The following GRIN2A variants were observed in gnomAD, a reference collection of about 807,000 sequenced individuals.
The protein encoded by GRIN2A is glutamate receptor ionotropic, NMDA 2A.
GRIN2A carries 22 observed loss-of-function variants against 113.4 expected under a neutral mutation model. The observed-to-expected ratio is 0.19, with a 90% confidence interval of 0.14 to 0.28. The LOEUF (loss-of-function observed/expected upper bound fraction) is 0.28. Ranked by LOEUF, GRIN2A falls within the 10% of genes least tolerant of loss-of-function variation. GRIN2A has a pLI of 1.00. For synonymous variants in GRIN2A, 827 were observed against 738.4 expected, an observed-to-expected ratio of 1.12 and a Z score of -1.94; for missense variants, 1,502 against 1,887.0, an observed-to-expected ratio of 0.80 and a Z score of 3.78.
At chr16:9,922,143 A>G (rs2044369343) in intron 3 of GRIN2A, among the ~76,000 whole-genome samples, 1 of 152,178 alleles carries the variant, frequency 6.6e-6, no homozygotes, top group African/African-American at 2.4e-5. Context: ...TACCACTTAC[A>G]TCCTAGGGAG....
At chr16:9,831,501 T>C (rs1331011484) in intron 8 of GRIN2A, among the ~76,000 whole-genome samples, 1 of 149,512 alleles carries the variant, frequency 6.7e-6, no homozygotes, top group South Asian at 2.1e-4. Context: ...CCATTGTTTT[T>C]TTTTTTTCTT....
At chr16:9,900,145 T>A (rs2043891879) in intron 3 of GRIN2A, among the ~76,000 whole-genome samples, 2 of 152,224 alleles carry the variant, frequency 1.3e-5, no homozygotes, top group South Asian at 4.1e-4. Context: ...TATATAATTG[T>A]CTTTCTTCCT....
At chr16:9,809,750 A>G (rs954536997) in intron 10 of GRIN2A, among the ~76,000 whole-genome samples, 1 of 152,102 alleles carries the variant, frequency 6.6e-6, no homozygotes, top group African/African-American at 2.4e-5. Flanking sequence ...AGATTAAACT[A>G]AGAGTTACAG....
At chr16:10,024,262 C>T (rs2046779357) in intron 2 of GRIN2A, among the ~76,000 whole-genome samples, 1 of 152,236 alleles carries the variant, frequency 6.6e-6, no homozygotes, top group Admixed American at 6.5e-5. Context: ...CTCGCTCTGT[C>T]ACCCAGGCTG....
At chr16:9,768,137 T>G (rs1469523893) in intron 12 of GRIN2A, among the ~76,000 whole-genome samples, 1 of 152,216 alleles carries the variant, frequency 6.6e-6, no homozygotes, top group Non-Finnish European at 1.5e-5. Flanking sequence ...CTTGGCTCAC[T>G]GCAAGCTCCG....
Position 9,971,429 on chromosome 16 carries a change from G to GC in GRIN2A, c.415-32879dup, listed in dbSNP as rs537414740. 3.0e-4 allele frequency among the ~76,000 whole-genome samples: 46 copies of GC among 152,298 alleles called. 1 individual carries two copies. In the South Asian group the frequency reaches 8.7e-3, roughly 29 times the overall value. On this transcript the variant is annotated intron_variant, in intron 2 of 12. Coordinates refer to ENST00000330684, the MANE Select transcript of GRIN2A (RefSeq NM_001134407.3). ...GTCATGAGCCATCTCATACATTTCA[G>GC]CCCAACTGTGCTCTCAGGGAACTGT...
rs75121077 is a variant in GRIN2A at position 10,107,711 on chromosome 16, C to A, written c.414+72287G>T. 7.0e-4 allele frequency among the ~76,000 whole-genome samples: 106 copies of A among 152,356 alleles called. No individual in the cohort carries two copies. In the East Asian group the frequency reaches 0.018, roughly 25 times the overall value. Reference sequence around the variant, plus strand: ...ATTCCTGAAAGGGAAAGGAGCAGCTCACCTGAGACAAGCAAGGGCCAGATT... The same window carrying A: ...ATTCCTGAAAGGGAAAGGAGCAGCTAACCTGAGACAAGCAAGGGCCAGATT... On this transcript the variant is annotated intron_variant, in intron 2 of 12. Transcript: ENST00000330684.
chr16:9,938,844 G>A (rs553352283), intron 2 of GRIN2A, among the ~76,000 whole-genome samples: 2 of 152,074 alleles, frequency 1.3e-5, no homozygotes, highest in Admixed American at 1.3e-4. Flanking sequence ...CCTCCTTTGA[G>A]TCTATATGGT....
At chr16:9,791,557 T>C (rs1902606432) in intron 11 of GRIN2A, among the ~76,000 whole-genome samples, 1 of 152,170 alleles carries the variant, frequency 6.6e-6, no homozygotes, top group Non-Finnish European at 1.5e-5. Context: ...CTGCCTGAGC[T>C]GTGGGACTGT....
chr16:9,786,990 C>G (rs1902268697), intron 11 of GRIN2A, among the ~76,000 whole-genome samples: 4 of 152,170 alleles, frequency 2.6e-5, no homozygotes, highest in African/African-American at 7.2e-5. Context: ...TGCTATATAA[C>G]ATGGCTTAGT....
At chr16:9,991,810 A>G (rs1479451167) in intron 2 of GRIN2A, among the ~76,000 whole-genome samples, 1 of 152,198 alleles carries the variant, frequency 6.6e-6, no homozygotes, top group Non-Finnish European at 1.5e-5. Flanking sequence ...ACATAAAGCC[A>G]AACACCACAT....
chr16:9,886,329 T>C (rs973583456), intron 4 of GRIN2A, among the ~76,000 whole-genome samples: 2 of 152,036 alleles, frequency 1.3e-5, no homozygotes, highest in African/African-American at 4.8e-5. Context: ...ATTTGAAAGA[T>C]GGATAAGAGA....
chr16:9,790,309 G>T (rs1056433242), intron 11 of GRIN2A, among the ~76,000 whole-genome samples: 1 of 152,138 alleles, frequency 6.6e-6, no homozygotes, highest in African/African-American at 2.4e-5. Flanking sequence ...AATTTGTCTA[G>T]GAGGCAGAGA....
Position 9,760,290 on chromosome 16 carries a change from T to G in GRIN2A, c.*2859A>C, listed in dbSNP as rs1900523597. The G allele has an allele frequency of 4.4e-6, 1 of 228,672 alleles. No homozygotes were observed. The highest frequency in any genetic ancestry group is 5.7e-5 in the Admixed American group (1 of 17,632). The allele number at this position is 228,672 out of a possible 1,614,324, so 14.2% of individuals were successfully genotyped here. A position where few individuals can be genotyped will look rare whatever the true frequency, so the allele number is the denominator to read the frequency against. ...CTGGACGTTACATTCCTGATATTCT[T>G]TTTGCAAAGACTGAACTGACTTAGA... is the stretch of plus-strand genomic sequence containing the variant. On this transcript the variant is annotated 3_prime_UTR_variant, in exon 13 of 13. Coordinates refer to ENST00000330684, the MANE Select transcript of GRIN2A (RefSeq NM_001134407.3).
chr16:9,845,982 C>T (rs1485609746), intron 5 of GRIN2A, among the ~76,000 whole-genome samples: 1 of 152,240 alleles, frequency 6.6e-6, no homozygotes, highest in Non-Finnish European at 1.5e-5. Flanking sequence ...AACATGCAAA[C>T]TGTGCTTAAT....
intron 3 of GRIN2A, among the ~76,000 whole-genome samples, chr16:9,894,166 A>C (rs901308195): frequency 6.6e-6 from 1 of 152,180 alleles, no homozygotes; most frequent in Admixed American, 6.5e-5. Context: ...CAAAGGTAGT[A>C]ACACACGCTA....
chr16:9,866,240 A>T (rs532295544), intron 4 of GRIN2A, among the ~76,000 whole-genome samples: 1 of 152,332 alleles, frequency 6.6e-6, no homozygotes, highest in Admixed American at 6.5e-5. Flanking sequence ...CAGAAGTGAG[A>T]GGCAGATCTG....
intron 3 of GRIN2A, among the ~76,000 whole-genome samples, chr16:9,919,699 C>A (rs1328140111): frequency 6.6e-6 from 1 of 152,212 alleles, no homozygotes; most frequent in Non-Finnish European, 1.5e-5. Flanking sequence ...TCTCCAAAGA[C>A]TTTTCATAAT....
At chr16:9,774,406 C>G (rs976502622) in intron 11 of GRIN2A, among the ~76,000 whole-genome samples, 2 of 152,318 alleles carry the variant, frequency 1.3e-5, no homozygotes, top group African/African-American at 4.8e-5. Flanking sequence ...GGTATTAATA[C>G]ACTCAATATC....
Sources: gnomAD v4.1 joint callset for allele counts (sites outside exome capture counted in the v4.1 genomes callset) on GRCh38, gnomAD v4.1.1 for gene constraint, MANE v1.5 for transcripts, NCBI Gene and HGNC (gene_info 2026-07-23, HGNC 2026-07-21) for gene names.